The following SLC68A1 variants were observed in gnomAD, a reference collection of about 807,000 sequenced individuals.
The protein encoded by SLC68A1 is solute carrier family 68 member 1, also known as major facilitator superfamily domain containing 13A.
chr10:102,473,976 C>T, the SLC68A1 span: 1 of 1,610,386 alleles, frequency 6.2e-7, no homozygotes, highest in East Asian at 2.2e-5. Context: ...GACCTTTGCC[C>T]CGCTGCTGGG....
the SLC68A1 span, chr10:102,470,183 T>C: frequency 2.9e-6 from 3 of 1,043,348 alleles, no homozygotes; most frequent in Non-Finnish European, 4.3e-6. Context: ...GGAGACTATT[T>C]CAGTGTTGCC....
chr10:102,465,748 T>G, the SLC68A1 span, among the ~76,000 whole-genome samples: 1 of 152,124 alleles, frequency 6.6e-6, no homozygotes. Flanking sequence ...TGCTGTTCTC[T>G]GCTGGGGCAG....
chr10:102,474,751 G>A, the SLC68A1 span, among the ~76,000 whole-genome samples: 2 of 152,074 alleles, frequency 1.3e-5, no homozygotes, highest in African/African-American at 4.8e-5. Context: ...AGGTTCAAGT[G>A]AGCCTGCCAC....
At chr10:102,474,624 T>G in the SLC68A1 span, among the ~76,000 whole-genome samples, 1 of 152,108 alleles carries the variant, frequency 6.6e-6, no homozygotes, top group Non-Finnish European at 1.5e-5. Flanking sequence ...GGAAGCAAGC[T>G]GTTGGGAGGG....
chr10:102,470,893 C>T, the SLC68A1 span: 180 of 1,613,172 alleles, frequency 1.1e-4, no homozygotes, highest in Non-Finnish European at 1.5e-4. Context: ...ACGACCGCAC[C>T]CACCTCAACT....
the SLC68A1 span, among the ~76,000 whole-genome samples, chr10:102,466,775 C>T: frequency 5.9e-5 from 9 of 152,216 alleles, no homozygotes; most frequent in South Asian, 1.2e-3. Flanking sequence ...TCTGGGTAGG[C>T]GGGGGGAGCC....
At chr10:102,470,050 C>T in the SLC68A1 span, 82 of 1,614,038 alleles carry the variant, frequency 5.1e-5, no homozygotes, top group African/African-American at 5.2e-4. Context: ...GCTCAGTGAC[C>T]GGCAGTTCCT....
At chr10:102,461,799 T>G in the SLC68A1 span, 1 of 152,262 alleles carries the variant, frequency 6.6e-6, no homozygotes, top group Non-Finnish European at 1.5e-5. Context: ...CATTTAACCC[T>G]GGTGGCACTT....
the SLC68A1 span, chr10:102,469,735 C>T: frequency 1.5e-5 from 7 of 477,018 alleles, no homozygotes; most frequent in East Asian, 3.1e-4. Context: ...TTAGTAGAGA[C>T]GGGGTTTCGC....
the SLC68A1 span, among the ~76,000 whole-genome samples, chr10:102,466,262 T>A: frequency 6.6e-6 from 1 of 152,080 alleles, no homozygotes; most frequent in Non-Finnish European, 1.5e-5. Context: ...GGTGGGTAGA[T>A]CACCTGAGGT....
At chr10:102,465,539 C>A in the SLC68A1 span, among the ~76,000 whole-genome samples, 1 of 152,176 alleles carries the variant, frequency 6.6e-6, no homozygotes, top group Non-Finnish European at 1.5e-5. Flanking sequence ...CATTAACATC[C>A]CCACTTTGTG....
At chr10:102,474,724 T>C in the SLC68A1 span, among the ~76,000 whole-genome samples, 1 of 152,152 alleles carries the variant, frequency 6.6e-6, no homozygotes. Flanking sequence ...CTTGGCTCAC[T>C]GCAGCCTCGA....
the SLC68A1 span, chr10:102,471,131 C>G: frequency 6.2e-7 from 1 of 1,607,840 alleles, no homozygotes; most frequent in Non-Finnish European, 8.5e-7. Flanking sequence ...AGTGGCCAGC[C>G]CCGGCTCTTC....
the SLC68A1 span, among the ~76,000 whole-genome samples, chr10:102,465,018 G>T: frequency 6.6e-6 from 1 of 152,004 alleles, no homozygotes; most frequent in African/African-American, 2.4e-5. Context: ...ACTTTGGGAG[G>T]CCGAGGCAGG....
chr10:102,472,644 T>A, the SLC68A1 span, among the ~76,000 whole-genome samples: 1 of 152,208 alleles, frequency 6.6e-6, no homozygotes, highest in African/African-American at 2.4e-5. Context: ...GGCTTCTAAC[T>A]TTTTAGCAAA....
chr10:102,466,060 A>T, the SLC68A1 span: 1 of 152,168 alleles, frequency 6.6e-6, no homozygotes, highest in East Asian at 1.9e-4. Context: ...GATTACAAGG[A>T]TATTTACCTG....
the SLC68A1 span, chr10:102,472,037 C>G: frequency 2.2e-6 from 1 of 455,960 alleles, no homozygotes; most frequent in African/African-American, 2.0e-5. Context: ...GTGGCTCACG[C>G]CTGTAATCCC....
chr10:102,472,017 G>T, the SLC68A1 span: 12 of 456,138 alleles, frequency 2.6e-5, no homozygotes, highest in South Asian at 1.9e-4. Context: ...AGCAACCACT[G>T]CCAGGTGCAG....
At chr10:102,465,733 G>A in the SLC68A1 span, among the ~76,000 whole-genome samples, 504 of 152,286 alleles carry the variant, frequency 3.3e-3, 5 homozygotes, top group African/African-American at 0.011. Flanking sequence ...TGGGAGAGGT[G>A]GGGCTGCTGT....
Sources: allele counts gnomAD v4.1 joint callset (sites outside exome capture counted in the v4.1 genomes callset), GRCh38; gene constraint gnomAD v4.1.1; transcripts MANE v1.5; gene names NCBI Gene and HGNC (gene_info 2026-07-23, HGNC 2026-07-21).